Variants in ADGRG7 observed in about 807,000 individuals in gnomAD.
ADGRG7 encodes the protein adhesion G protein-coupled receptor G7.
A neutral mutation model predicts 88.6 loss-of-function variants in ADGRG7; 82 were observed. The observed-to-expected ratio is 0.93, with a 90% CI of 0.77 to 1.11. ADGRG7 has a LOEUF of 1.11. Among genes scored for constraint, ADGRG7 ranks in the 50% most tolerant of loss-of-function variants. The probability of loss-of-function intolerance (pLI) is 0.00; values close to 1 mark genes in which losing one functional copy is unlikely to be tolerated. For missense variants in ADGRG7, 945 were observed against 953.4 expected (o/e 0.99, Z 0.12); for synonymous variants, 381 against 345.2 (o/e 1.10, Z -1.15).
chr3:100,630,729 A>G lies in ADGRG7; in HGVS notation c.254A>G (p.Tyr85Cys), dbSNP rs771209708. 5 of 1,457,044 alleles carry G rather than the reference A, an allele frequency of 3.4e-6. No homozygotes were observed. In the African/African-American group the frequency reaches 7.3e-5, roughly 21 times the overall value. 90.3% of individuals were successfully genotyped at this position (1,457,044 alleles called of 1,614,324 possible). ...GCTAATTTTTGTGAAAATAGTACCT[A>G]TATGGGTTTTACTTTTGCCAGAATC... ...TIANFCENSTYMGFTFARIPV... is the reference protein window; with the variant it reads ...TIANFCENSTCMGFTFARIPV... Residue 85 changes from tyrosine to cysteine, a missense_variant, in exon 3 of 16, where the codon TAT becomes TGT. Coordinates refer to ENST00000273352, the MANE Select transcript of ADGRG7 (RefSeq NM_032787.3).
chr3:100,680,717 A>G (rs558344138), intron 15 of ADGRG7, among the ~76,000 whole-genome samples: 45 of 152,304 alleles, frequency 3.0e-4, no homozygotes, highest in African/African-American at 1.1e-3. Context: ...AAATCTTAGA[A>G]TCTTATAACA....
chr3:100,632,284 A>G (rs992524605), intron 3 of ADGRG7, among the ~76,000 whole-genome samples: 1 of 152,114 alleles, frequency 6.6e-6, no homozygotes, highest in African/African-American at 2.4e-5. Flanking sequence ...CACCTATTAT[A>G]AAATCATGTT....
chr3:100,649,331 A>G (rs978943084), intron 10 of ADGRG7, among the ~76,000 whole-genome samples: 2 of 152,222 alleles, frequency 1.3e-5, no homozygotes, highest in African/African-American at 2.4e-5. Context: ...AAACTGGTAT[A>G]TGCAGGTCAG....
chr3:100,610,547 G>C (rs908233488), intron 1 of ADGRG7, among the ~76,000 whole-genome samples: 7 of 152,138 alleles, frequency 4.6e-5, no homozygotes, highest in Non-Finnish European at 1.0e-4. Context: ...ATTATTCAAC[G>C]AACATTTGTT....
intron 13 of ADGRG7, among the ~76,000 whole-genome samples, chr3:100,656,210 G>A (rs892434572): frequency 6.6e-5 from 10 of 152,090 alleles, no homozygotes; most frequent in African/African-American, 2.2e-4. Flanking sequence ...AATCACCTTC[G>A]AAATTTATAA....
chr3:100,688,177 A>G (rs902789436), intron 15 of ADGRG7, among the ~76,000 whole-genome samples: 1 of 152,196 alleles, frequency 6.6e-6, no homozygotes, highest in Non-Finnish European at 1.5e-5. Flanking sequence ...AGGTGTTTAT[A>G]GTATTCTCTG....
chr3:100,669,564 C>CT (rs2094955920), intron 15 of ADGRG7, among the ~76,000 whole-genome samples: 1 of 124,380 alleles, frequency 8.0e-6, no homozygotes, highest in African/African-American at 3.1e-5. Flanking sequence ...AAAAAAAAAT[C>CT]TAGTGGGTAC....
intron 1 of ADGRG7, among the ~76,000 whole-genome samples, chr3:100,611,937 T>G (rs1707160282): frequency 6.6e-6 from 1 of 152,194 alleles, no homozygotes; most frequent in Non-Finnish European, 1.5e-5. Context: ...TTGCTTGGGT[T>G]CCTTTATTCA....
At chr3:100,667,520 G>A (rs1407457702) in intron 14 of ADGRG7, among the ~76,000 whole-genome samples, 1 of 152,106 alleles carries the variant, frequency 6.6e-6, no homozygotes, top group Non-Finnish European at 1.5e-5. Flanking sequence ...CCTTTTTTAT[G>A]GCTGCATAGT....
In ADGRG7 at chr3:100,655,116, T is replaced by A. The variant is rs1340055417; in HGVS notation, c.1661T>A (p.Leu554His). The A allele has an allele frequency of 5.6e-6, 9 of 1,614,020 alleles. No homozygotes were observed. In the Admixed American group the frequency reaches 1.5e-4, roughly 27 times the overall value. The change falls in exon 12 of 16, where the codon CTT becomes CAT. Residue 554 changes from leucine (L) to histidine (H), a missense_variant. Coordinates refer to ENST00000273352, the MANE Select transcript of ADGRG7 (RefSeq NM_032787.3). ...NALSAAQLYY[L>H]LIRTMKPLPR... ...CTCAGCGCTGCACAGCTCTATTACC[T>A]TCTAATAAGGACCATGAAGCCTCTT... is the stretch of plus-strand genomic sequence containing the variant.
At chr3:100,622,192 T>C (rs1340204662) in intron 1 of ADGRG7, among the ~76,000 whole-genome samples, 2 of 152,152 alleles carry the variant, frequency 1.3e-5, no homozygotes, top group African/African-American at 2.4e-5. Context: ...TTTTATAGTT[T>C]TGCATTTTAC....
At chr3:100,629,924 C>T (rs1707436833) in intron 2 of ADGRG7, among the ~76,000 whole-genome samples, 1 of 152,126 alleles carries the variant, frequency 6.6e-6, no homozygotes, top group South Asian at 2.1e-4. Flanking sequence ...TTATCTGTTT[C>T]CTGACTACTA....
At chr3:100,659,439 C>CAAAAA (rs373835556) in intron 13 of ADGRG7, among the ~76,000 whole-genome samples, 7 of 80,902 alleles carry the variant, frequency 8.7e-5, no homozygotes, top group Admixed American at 1.7e-4. Context: ...GACTCAGTCT[C>CAAAAA]AAAAAAAAAA....
chr3:100,632,784 G>T (rs1414705733), intron 3 of ADGRG7, among the ~76,000 whole-genome samples: 1 of 152,146 alleles, frequency 6.6e-6, no homozygotes, highest in Non-Finnish European at 1.5e-5. Flanking sequence ...AGGCAGTGAG[G>T]TAGGGAGGCT....
chr3:100,694,525 AT>A (rs1248962169), intron 15 of ADGRG7, among the ~76,000 whole-genome samples: 32 of 152,208 alleles, frequency 2.1e-4, no homozygotes, highest in African/African-American at 7.5e-4. Context: ...CGGGTCTTCT[AT>A]ATCTGCTATT....
In ADGRG7 at chr3:100,695,035, CA is replaced by C. The variant is rs773146312; in HGVS notation, c.*35del. The C allele has an allele frequency of 6.3e-5, 101 of 1,593,576 alleles. 1 individual carries two copies. The highest frequency in any genetic ancestry group is 2.3e-4 in the South Asian group (20 of 88,624). On this transcript the variant is annotated 3_prime_UTR_variant, in exon 16 of 16. Coordinates refer to ENST00000273352, the MANE Select transcript of ADGRG7 (RefSeq NM_032787.3). ...ACTTACCTGTTGTGGTCTTTTTAAT[CA>C]CCTCGTTTGAGTTTTATCTGTTTCT...
chr3:100,650,266 C>G (rs1177078896), intron 11 of ADGRG7, among the ~76,000 whole-genome samples: 1 of 152,156 alleles, frequency 6.6e-6, no homozygotes, highest in Non-Finnish European at 1.5e-5. Flanking sequence ...ACATTAAATT[C>G]TAATTTTAAA....
chr3:100,653,702 C>T (rs1466807959), intron 11 of ADGRG7, among the ~76,000 whole-genome samples: 2 of 152,238 alleles, frequency 1.3e-5, no homozygotes, highest in Non-Finnish European at 2.9e-5. Flanking sequence ...CAGATGGCGG[C>T]TGGGCCAGAG....
chr3:100,688,274 T>C (rs2094986735), intron 15 of ADGRG7, among the ~76,000 whole-genome samples: 1 of 152,204 alleles, frequency 6.6e-6, no homozygotes, highest in Admixed American at 6.5e-5. Flanking sequence ...TCTTTTCTTC[T>C]TTATTAGTCT....
Sources: allele counts gnomAD v4.1 joint callset (sites outside exome capture counted in the v4.1 genomes callset), GRCh38; gene constraint gnomAD v4.1.1; transcripts MANE v1.5; gene names NCBI Gene and HGNC (gene_info 2026-07-23, HGNC 2026-07-21).